The following TMPRSS15 variants were observed in gnomAD, a reference collection of about 807,000 sequenced individuals.
The protein encoded by TMPRSS15 is enteropeptidase.
TMPRSS15 carries 128 observed loss-of-function variants against 125.3 expected under a neutral mutation model. That is an observed-to-expected ratio of 1.02 (90% CI 0.89 to 1.18). The LOEUF (loss-of-function observed/expected upper bound fraction) is 1.18. TMPRSS15 is among the 50% of genes most tolerant of loss of function. The pLI is 0.00. For synonymous variants in TMPRSS15, 446 were observed against 423.2 expected, an observed-to-expected ratio of 1.05 and a Z score of -0.66; for missense variants, 1,283 against 1,212.7, an observed-to-expected ratio of 1.06 and a Z score of -0.86.
At chr21:18,383,903 T>A (rs999156216) in intron 3 of TMPRSS15, 125 bp from the exon 4 acceptor site, 12 of 1,105,418 alleles carry the variant, frequency 1.1e-5, no homozygotes, top group Non-Finnish European at 1.5e-5. Context: ...ATTATACCTG[T>A]GTAAGGTAGT....
At chr21:18,341,215 C>T (rs556887930) in intron 13 of TMPRSS15, among the ~76,000 whole-genome samples, 198 bp downstream of exon 13, 23 of 152,136 alleles carry the variant, frequency 1.5e-4, no homozygotes, top group Non-Finnish European at 3.2e-4. Context: ...GTATGCACCA[C>T]TGTGCCCAGC....
intron 3 of TMPRSS15, among the ~76,000 whole-genome samples, chr21:18,396,451 C>T (rs1000508252): frequency 2.6e-5 from 4 of 152,114 alleles, no homozygotes; most frequent in Admixed American, 6.5e-5. Flanking sequence ...GCATCTCCCT[C>T]ACAGTCATTT....
chr21:18,471,499 G>T (rs1403988108), intron 1 of TMPRSS15, among the ~76,000 whole-genome samples: 1 of 151,648 alleles, frequency 6.6e-6, no homozygotes, highest in Admixed American at 6.6e-5. Flanking sequence ...AGCATAATAT[G>T]GTGTTTTTCC....
intron 8 of TMPRSS15, 92 bp from the exon 9 acceptor site, chr21:18,353,955 G>A (rs565722636): frequency 4.9e-6 from 6 of 1,234,282 alleles, no homozygotes; most frequent in Non-Finnish European, 5.9e-6. Context: ...CTATCAGTTT[G>A]TCAGTTGATC....
At position 18,372,290 on chromosome 21, in the gene TMPRSS15, A is replaced by T. The variant is rs1569039864; in HGVS notation, c.567T>A (p.Ser189Arg). 1.9e-5 allele frequency: 30 copies of T among 1,613,452 alleles called. No individual in the cohort carries two copies. Among genetic ancestry groups the T allele is most frequent in the Non-Finnish European group, 2.5e-5 (30 of 1,179,564 alleles). The change falls in exon 6 of 25, where the codon AGT (serine) becomes AGA (arginine). Residue 189 changes from serine to arginine, a missense_variant. Coordinates refer to ENST00000284885, the MANE Select transcript of TMPRSS15 (RefSeq NM_002772.3). ...NVSIECLPGS[S>R]PCTDALTCIK... The stretch of plus-strand genomic sequence containing the variant: ...TACACGTTAGAGCATCAGTACAAGG[A>T]CTTGAACCAGGCAGGCACTCTATTG...
Position 18,341,621 on chromosome 21 carries a change from C to T in TMPRSS15, c.1429-73G>A, listed in dbSNP as rs960639370. On this transcript the variant is annotated intron_variant, in intron 12 of 24. Coordinates refer to ENST00000284885, the MANE Select transcript of TMPRSS15 (RefSeq NM_002772.3). ...TCTCTGACTTGATTCTTCTTGTGAGCCCAAGAGATTCAATATTGTCTAGAG... is the reference window on the plus strand; with the variant it reads ...TCTCTGACTTGATTCTTCTTGTGAGTCCAAGAGATTCAATATTGTCTAGAG... 4.0e-6 allele frequency: 6 copies of T among 1,490,296 alleles called. No individual in the cohort carries two copies. In the African/African-American group the frequency reaches 5.5e-5, roughly 14 times the overall value. 92.3% of individuals were successfully genotyped at this position (1,490,296 alleles called of 1,614,324 possible). A position where few individuals can be genotyped will look rare whatever the true frequency, so the allele number is the denominator to read the frequency against.
intron 16 of TMPRSS15, among the ~76,000 whole-genome samples, chr21:18,320,512 C>G (rs973786330): frequency 1.3e-5 from 2 of 152,062 alleles, no homozygotes; most frequent in Admixed American, 1.3e-4. Context: ...TGAATGGAAA[C>G]AGACAAATAT....
chr21:18,466,547 G>A (rs140996434), intron 1 of TMPRSS15, among the ~76,000 whole-genome samples: 1,740 of 151,846 alleles, frequency 0.011, 46 homozygotes, highest in African/African-American at 0.04. Flanking sequence ...GAATCTACAA[G>A]GAACTTTAAC....
At chr21:18,439,064 C>T (rs2076235526) in intron 1 of TMPRSS15, among the ~76,000 whole-genome samples, 1 of 152,126 alleles carries the variant, frequency 6.6e-6, no homozygotes, top group South Asian at 2.1e-4. Context: ...AGTCAATTCT[C>T]TCTTTATAGT....
chr21:18,365,864 A>C (rs2075731971), intron 6 of TMPRSS15, among the ~76,000 whole-genome samples: 1 of 148,790 alleles, frequency 6.7e-6, no homozygotes, highest in Non-Finnish European at 1.5e-5. Context: ...CCTCCGGAGT[A>C]GCTGGGATTA....
chr21:18,314,444 AATT>A (rs1340055728), intron 17 of TMPRSS15, among the ~76,000 whole-genome samples: 156 of 152,038 alleles, frequency 1.0e-3, no homozygotes, highest in African/African-American at 3.2e-3. Flanking sequence ...ACGCCTGGCA[AATT>A]TCGTATTTTT....
At chr21:18,294,490 T>C in intron 20 of TMPRSS15, 46 bp from the exon 21 acceptor site, 1 of 1,612,500 alleles carries the variant, frequency 6.2e-7, no homozygotes, top group Non-Finnish European at 8.5e-7. Flanking sequence ...TTTTTGGCAT[T>C]TCTTCTGATG....
At chr21:18,346,283 G>GCAA (rs2146995062) in intron 10 of TMPRSS15, among the ~76,000 whole-genome samples, 1 of 152,178 alleles carries the variant, frequency 6.6e-6, no homozygotes, top group Admixed American at 6.5e-5. Flanking sequence ...TGCCCTAAGG[G>GCAA]ATCACTTGAT....
chr21:18,273,504 G>A (rs2074585632), intron 24 of TMPRSS15, among the ~76,000 whole-genome samples: 1 of 152,152 alleles, frequency 6.6e-6, no homozygotes, highest in Admixed American at 6.5e-5. Flanking sequence ...GCTTACCAAG[G>A]AATAACATGC....
chr21:18,371,598 C>G (rs968274507), intron 6 of TMPRSS15, among the ~76,000 whole-genome samples: 1 of 151,928 alleles, frequency 6.6e-6, no homozygotes, highest in Non-Finnish European at 1.5e-5. Flanking sequence ...CAAAAAATGC[C>G]AAAATATACA....
chr21:18,305,988 C>A (rs566897285), intron 18 of TMPRSS15, among the ~76,000 whole-genome samples: 1 of 152,278 alleles, frequency 6.6e-6, no homozygotes, highest in East Asian at 1.9e-4. Context: ...ACCCACCCCA[C>A]CACAGTAACA....
intron 3 of TMPRSS15, among the ~76,000 whole-genome samples, chr21:18,396,155 C>G: frequency 6.6e-6 from 1 of 152,164 alleles, no homozygotes; most frequent in South Asian, 2.1e-4. Context: ...CTTCCTGTTC[C>G]AGATTTACTG....
chr21:18,364,608 T>C (rs2075708518), intron 7 of TMPRSS15, among the ~76,000 whole-genome samples: 1 of 152,082 alleles, frequency 6.6e-6, no homozygotes, highest in Admixed American at 6.5e-5. Context: ...ATCTTCATGA[T>C]TGGGTTGGTT....
chr21:18,343,993 A>T lies in TMPRSS15; in HGVS notation c.1239T>A (p.Pro413=). ...RQERVGLLSL[P]LDPTLEPACL... ...AAGCTGGCTCCAAAGTGGGGTCCAA[A>T]GGGAGGCTTAAAAGCCCCACTCGTT... Residue 413 remains proline, a synonymous_variant, in exon 11 of 25, where the codon CCT becomes CCA. Coordinates refer to ENST00000284885, the MANE Select transcript of TMPRSS15 (RefSeq NM_002772.3). 1 of 1,614,108 alleles carries T rather than the reference A, an allele frequency of 6.2e-7. No homozygotes were observed. Among genetic ancestry groups the T allele is most frequent in the South Asian group, 1.1e-5 (1 of 91,086 alleles).
Sources: gnomAD v4.1 joint callset for allele counts (sites outside exome capture counted in the v4.1 genomes callset) on GRCh38, gnomAD v4.1.1 for gene constraint, MANE v1.5 for transcripts, NCBI Gene and HGNC (gene_info 2026-07-23, HGNC 2026-07-21) for gene names.